Variants in NKAIN2 observed in about 807,000 individuals in gnomAD.
NKAIN2 encodes the protein sodium/potassium-transporting ATPase subunit beta-1-interacting protein 2.
A neutral mutation model predicts 32.6 loss-of-function variants in NKAIN2; 14 were observed. The observed-to-expected ratio is 0.43, with a 90% confidence interval of 0.28 to 0.67. The LOEUF (loss-of-function observed/expected upper bound fraction) is 0.67, where lower values mean the gene tolerates loss of function less well. NKAIN2 is among the 30% of genes least tolerant of loss of function. The pLI, the probability that NKAIN2 is intolerant of heterozygous loss-of-function variation, is 0.17. For missense variants in NKAIN2, 198 were observed against 258.3 expected, an observed-to-expected ratio of 0.77 and a Z score of 1.60; for synonymous variants, 80 against 87.2, an observed-to-expected ratio of 0.92 and a Z score of 0.46.
intron 1 of NKAIN2, among the ~76,000 whole-genome samples, chr6:124,039,512 TTTG>T (rs1270272627): frequency 2.0e-5 from 3 of 151,974 alleles, no homozygotes; most frequent in African/African-American, 7.2e-5. Context: ...TCTACATTAT[TTTG>T]TTTTGAGTTG....
chr6:123,810,733 TGTTTGTTTGCTC>T (rs1773426179), intron 1 of NKAIN2, among the ~76,000 whole-genome samples: 1 of 152,194 alleles, frequency 6.6e-6, no homozygotes, highest in Non-Finnish European at 1.5e-5. Flanking sequence ...GTTTTTTGTT[TGTTTGTTTGCTC>T]GTTTGTTTTT....
At chr6:124,705,927 C>T (rs536697948) in intron 4 of NKAIN2, among the ~76,000 whole-genome samples, 2 of 152,022 alleles carry the variant, frequency 1.3e-5, no homozygotes, top group Non-Finnish European at 2.9e-5. Flanking sequence ...GTAGACTTCA[C>T]CAAATTGAGG....
At chr6:124,444,710 A>T (rs1239317619) in intron 3 of NKAIN2, among the ~76,000 whole-genome samples, 1 of 152,044 alleles carries the variant, frequency 6.6e-6, no homozygotes, top group Admixed American at 6.6e-5. Context: ...TAAGAACATG[A>T]ATTTCTATCT....
intron 2 of NKAIN2, among the ~76,000 whole-genome samples, chr6:124,331,035 G>A (rs1307706182): frequency 6.6e-6 from 1 of 152,096 alleles, no homozygotes; most frequent in African/African-American, 2.4e-5. Flanking sequence ...GTGCCAAAAA[G>A]GTTGGGACCG....
intron 3 of NKAIN2, among the ~76,000 whole-genome samples, chr6:124,412,920 A>T (rs1307830799): frequency 6.6e-6 from 1 of 152,094 alleles, no homozygotes; most frequent in Non-Finnish European, 1.5e-5. Context: ...GCTTGATCTG[A>T]GACTGTTGTG....
chr6:123,956,678 C>T (rs1777608679), intron 1 of NKAIN2, among the ~76,000 whole-genome samples: 1 of 152,142 alleles, frequency 6.6e-6, no homozygotes, highest in African/African-American at 2.4e-5. Context: ...GATATCCCCT[C>T]CATTGTTGTG....
At chr6:123,831,918 T>C (rs1057198204) in intron 1 of NKAIN2, among the ~76,000 whole-genome samples, 3 of 152,210 alleles carry the variant, frequency 2.0e-5, no homozygotes, top group Admixed American at 2.0e-4. Context: ...CCTTGCAAAG[T>C]GCTGGGATTA....
Position 124,271,879 on chromosome 6 carries a change from T to C in NKAIN2, c.55-11126T>C, listed in dbSNP as rs796637503. On this transcript the variant is annotated intron_variant, in intron 1 of 6. Coordinates refer to ENST00000368417, the MANE Select transcript of NKAIN2 (RefSeq NM_001040214.3). ...TTAGCAAAGAGATTGGCAGCATTTT[T>C]CCCCTGCCCTAAAGATCTATGGAAA... is the stretch of plus-strand genomic sequence containing the variant. 5.3e-5 allele frequency among the ~76,000 whole-genome samples: 8 copies of C among 152,244 alleles called. No homozygotes were observed. The South Asian group carries it at 1.7e-3, about 32-fold the overall frequency.
intron 4 of NKAIN2, among the ~76,000 whole-genome samples, chr6:124,740,123 GC>G (rs1777132135): frequency 6.6e-6 from 1 of 151,258 alleles, no homozygotes. Flanking sequence ...AAAGTTGGTT[GC>G]CCCTGTTTTT....
At chr6:124,504,238 A>G (rs1323883449) in intron 3 of NKAIN2, among the ~76,000 whole-genome samples, 1 of 152,130 alleles carries the variant, frequency 6.6e-6, no homozygotes. Context: ...TGATTCCTTC[A>G]TTAATAAACT....
chr6:124,208,663 A>G (rs1199793040), intron 1 of NKAIN2, among the ~76,000 whole-genome samples: 1 of 151,426 alleles, frequency 6.6e-6, no homozygotes, highest in Non-Finnish European at 1.5e-5. Flanking sequence ...TCCTACATAA[A>G]CTGTAATCAA....
chr6:124,203,776 T>C (rs1790710240), intron 1 of NKAIN2, among the ~76,000 whole-genome samples: 1 of 151,882 alleles, frequency 6.6e-6, no homozygotes, highest in Non-Finnish European at 1.5e-5. Flanking sequence ...AAATTATATC[T>C]ACCCACAATA....
chr6:124,754,520 A>T (rs1027524164), intron 4 of NKAIN2, among the ~76,000 whole-genome samples: 1 of 152,052 alleles, frequency 6.6e-6, no homozygotes, highest in Non-Finnish European at 1.5e-5. Flanking sequence ...TGTGGCCAAC[A>T]ATTATGTGGA....
chr6:123,841,813 T>A (rs1255381402), intron 1 of NKAIN2, among the ~76,000 whole-genome samples: 1 of 152,150 alleles, frequency 6.6e-6, no homozygotes, highest in African/African-American at 2.4e-5. Context: ...AGTCAAGGGA[T>A]CCTCCATCAT....
chr6:124,430,363 T>G (rs1057226465), intron 3 of NKAIN2, among the ~76,000 whole-genome samples: 1 of 152,308 alleles, frequency 6.6e-6, no homozygotes, highest in Admixed American at 6.5e-5. Context: ...TTCCAAAATT[T>G]AGTGATTTAC....
At chr6:124,709,797 AT>A (rs1438547510) in intron 4 of NKAIN2, among the ~76,000 whole-genome samples, 2 of 151,638 alleles carry the variant, frequency 1.3e-5, no homozygotes, top group Admixed American at 6.6e-5. Flanking sequence ...GGATTCATTA[AT>A]TTTTTGAAGG....
chr6:124,658,104 G>A, intron 3 of NKAIN2, 82 bp from the exon 4 acceptor site: 2 of 1,109,072 alleles, frequency 1.8e-6, no homozygotes, highest in Admixed American at 2.4e-5. Flanking sequence ...TTCCAAATGG[G>A]AAAGTCAAAG....
At chr6:123,919,037 G>A (rs1217512816) in intron 1 of NKAIN2, among the ~76,000 whole-genome samples, 1 of 151,662 alleles carries the variant, frequency 6.6e-6, no homozygotes, top group Non-Finnish European at 1.5e-5. Context: ...TATCCTGTTG[G>A]TTATGTTTCT....
At chr6:123,940,123 G>A (rs1776746426) in intron 1 of NKAIN2, among the ~76,000 whole-genome samples, 2 of 151,876 alleles carry the variant, frequency 1.3e-5, no homozygotes, top group Admixed American at 1.3e-4. Flanking sequence ...ATAAGGATGT[G>A]GAACACTGTT....
Sources: allele counts gnomAD v4.1 joint callset (sites outside exome capture counted in the v4.1 genomes callset), GRCh38; gene constraint gnomAD v4.1.1; transcripts MANE v1.5; gene names NCBI Gene and HGNC (gene_info 2026-07-23, HGNC 2026-07-21).